The following NUDT3 variants were observed in gnomAD, a reference collection of about 807,000 sequenced individuals.
The protein encoded by NUDT3 is nudix hydrolase 3.
A neutral mutation model predicts 23.6 loss-of-function variants in NUDT3; 9 were observed. The observed-to-expected ratio is 0.38, with a 90% CI of 0.23 to 0.66. The LOEUF is 0.66. Ranked by LOEUF, NUDT3 falls within the 30% of genes least tolerant of loss-of-function variation. The probability of loss-of-function intolerance (pLI) is 0.52; values close to 1 mark genes in which losing one functional copy is unlikely to be tolerated. For missense variants in NUDT3, 172 were observed against 218.5 expected (o/e 0.79, Z 1.34); for synonymous variants, 86 against 82.6 (o/e 1.04, Z -0.22).
chr6:34,324,488 T>C (rs1337039909), intron 2 of NUDT3, among the ~76,000 whole-genome samples: 1 of 152,230 alleles, frequency 6.6e-6, no homozygotes, highest in African/African-American at 2.4e-5. Flanking sequence ...CACTGTAATC[T>C]TGACTTCCTG....
At chr6:34,350,155 T>C (rs753767601) in intron 1 of NUDT3, among the ~76,000 whole-genome samples, 10 of 150,936 alleles carry the variant, frequency 6.6e-5, no homozygotes, top group Non-Finnish European at 1.5e-4. Context: ...ATAGGAAATC[T>C]TGATTAACAA....
In NUDT3 at chr6:34,346,809, G is replaced by A. The variant is rs554617475; in HGVS notation, c.100-4837C>T. Among the ~76,000 whole-genome samples the A allele has an allele frequency of 5.9e-5, 9 of 152,132 alleles. No individual in the cohort carries two copies. The South Asian group carries it at 1.2e-3, about 21-fold the overall frequency. On this transcript the variant is annotated intron_variant, in intron 1 of 4. Coordinates refer to ENST00000607016, the MANE Select transcript of NUDT3 (RefSeq NM_006703.4). ...CTCATTCTGTTGCCCAGGCTGAAGC[G>A]CCGTGGCAGGATCAAAGTTCACTGC...
At chr6:34,302,594 T>A (rs754202658) in intron 2 of NUDT3, among the ~76,000 whole-genome samples, 1 of 152,002 alleles carries the variant, frequency 6.6e-6, no homozygotes, top group African/African-American at 2.4e-5. Context: ...TAGCCGAGCA[T>A]GGTGGCGTGT....
intron 2 of NUDT3, among the ~76,000 whole-genome samples, chr6:34,340,775 T>C (rs1391514525): frequency 1.3e-5 from 2 of 152,208 alleles, no homozygotes; most frequent in African/African-American, 2.4e-5. Context: ...GTACTAGGCA[T>C]GGAAAGTAAG....
chr6:34,391,118 T>C (rs1459148256), intron 1 of NUDT3, among the ~76,000 whole-genome samples: 1 of 152,198 alleles, frequency 6.6e-6, no homozygotes, highest in Non-Finnish European at 1.5e-5. Flanking sequence ...CACTTCCTCC[T>C]AAATACCTCT....
At chr6:34,346,253 G>T (rs1373903427) in intron 1 of NUDT3, among the ~76,000 whole-genome samples, 1 of 152,098 alleles carries the variant, frequency 6.6e-6, no homozygotes, top group Non-Finnish European at 1.5e-5. Flanking sequence ...AAGCATTTAA[G>T]TCATATTTAT....
intron 1 of NUDT3, among the ~76,000 whole-genome samples, chr6:34,383,126 CAAAA>C (rs557348971): frequency 4.6e-5 from 3 of 65,030 alleles, no homozygotes; most frequent in Non-Finnish European, 6.3e-5. Context: ...GACTCCATCT[CAAAA>C]AAAAAAAAAA....
Position 34,389,535 on chromosome 6 carries a change from G to A in NUDT3, c.99+2729C>T, listed in dbSNP as rs1044772353. On this transcript the variant is annotated intron_variant, in intron 1 of 4. Coordinates refer to ENST00000607016, the MANE Select transcript of NUDT3 (RefSeq NM_006703.4). ...CAACCAGATGTGGTGGCTTGTGCAT[G>A]TAGTCCCAGCTACTTGGGAGGCTGA... is the stretch of plus-strand genomic sequence containing the variant. Among the ~76,000 whole-genome samples the A allele has an allele frequency of 5.3e-5, 8 of 151,876 alleles. No individual in the cohort carries two copies. In the East Asian group the frequency reaches 1.6e-3, roughly 30 times the overall value.
chr6:34,376,531 C>T (rs1475034757), intron 1 of NUDT3, among the ~76,000 whole-genome samples: 1 of 152,162 alleles, frequency 6.6e-6, no homozygotes, highest in Admixed American at 6.5e-5. Context: ...CCTGCTTCCG[C>T]CTCCCAAAGT....
intron 2 of NUDT3, among the ~76,000 whole-genome samples, chr6:34,306,800 T>C (rs767107193): frequency 2.3e-4 from 35 of 152,210 alleles, no homozygotes; most frequent in Non-Finnish European, 4.6e-4. Flanking sequence ...TAAAAAGATA[T>C]CTTTAATTCC....
At chr6:34,292,413 A>C (rs1669808967) in intron 4 of NUDT3, among the ~76,000 whole-genome samples, 1 of 152,178 alleles carries the variant, frequency 6.6e-6, no homozygotes, top group Non-Finnish European at 1.5e-5. Context: ...TTTCCTTCAG[A>C]AGTAAACAAT....
At chr6:34,374,156 CAAAAAAAAA>C (rs397888346) in intron 1 of NUDT3, among the ~76,000 whole-genome samples, 4 of 64,698 alleles carry the variant, frequency 6.2e-5, no homozygotes, top group Non-Finnish European at 6.4e-5. Flanking sequence ...GGCTCCCTCT[CAAAAAAAAA>C]AAAAAAAAAA....
intron 2 of NUDT3, among the ~76,000 whole-genome samples, chr6:34,327,803 G>A (rs909075234): frequency 2.0e-5 from 3 of 152,106 alleles, no homozygotes; most frequent in African/African-American, 7.2e-5. Context: ...TCCTTTCACA[G>A]TCTGCTAAGT....
At chr6:34,369,991 A>G (rs745391505) in intron 1 of NUDT3, among the ~76,000 whole-genome samples, 2 of 152,246 alleles carry the variant, frequency 1.3e-5, no homozygotes, top group South Asian at 4.1e-4. Flanking sequence ...CAAATTTTTT[A>G]AAGTTACATT....
At chr6:34,327,356 C>T (rs1191216256) in intron 2 of NUDT3, among the ~76,000 whole-genome samples, 1 of 152,006 alleles carries the variant, frequency 6.6e-6, no homozygotes, top group South Asian at 2.1e-4. Context: ...TGGTGAAACC[C>T]TGTCTCTACT....
intron 3 of NUDT3, among the ~76,000 whole-genome samples, chr6:34,293,909 A>G (rs1472883667): frequency 6.6e-5 from 10 of 152,280 alleles, no homozygotes. Context: ...GACCCCAGCA[A>G]GGCAAACAAG....
chr6:34,354,416 CACACACACACACAT>C (rs1225942897), intron 1 of NUDT3, among the ~76,000 whole-genome samples: 4 of 150,860 alleles, frequency 2.7e-5, no homozygotes, highest in African/African-American at 9.8e-5. Flanking sequence ...CACACACACA[CACACACACACACAT>C]ACACACTCTT....
intron 2 of NUDT3, among the ~76,000 whole-genome samples, chr6:34,304,817 G>C (rs946257294): frequency 6.7e-6 from 1 of 149,134 alleles, no homozygotes; most frequent in East Asian, 2.0e-4. Flanking sequence ...GCACCATCAT[G>C]CCCAGCTAAT....
chr6:34,326,970 G>T (rs56033036), intron 2 of NUDT3, among the ~76,000 whole-genome samples: 14,634 of 152,140 alleles, frequency 0.096, 805 homozygotes, highest in Non-Finnish European at 0.12. Context: ...TAAAGACACA[G>T]GACAAAGAGA....
Sources: allele counts gnomAD v4.1 joint callset (sites outside exome capture counted in the v4.1 genomes callset), GRCh38; gene constraint gnomAD v4.1.1; transcripts MANE v1.5; gene names NCBI Gene and HGNC (gene_info 2026-07-23, HGNC 2026-07-21).